The following GRID2 variants were observed in gnomAD, a reference collection of about 807,000 sequenced individuals.
GRID2 encodes the protein glutamate receptor ionotropic, delta-2.
In GRID2, 33 loss-of-function variants were observed where a neutral mutation model predicts 114.8. The observed-to-expected ratio is 0.29, with a 90% CI of 0.22 to 0.38. The LOEUF is 0.38. Ranked by LOEUF, GRID2 falls within the 10% of genes least tolerant of loss-of-function variation. The pLI, the probability that GRID2 is intolerant of heterozygous loss-of-function variation, is 1.00. For synonymous variants in GRID2, 505 were observed against 449.9 expected (o/e 1.12, Z -1.55); for missense variants, 1,184 against 1,257.7 (o/e 0.94, Z 0.89).
Position 93,164,763 on chromosome 4 carries a change from A to C in GRID2, c.736-42641A>C, listed in dbSNP as rs77406375. 7.1e-6 allele frequency: 3 copies of C among 423,964 alleles called. No individual in the cohort carries two copies. In the East Asian group the frequency reaches 2.1e-4, roughly 30 times the overall value. The allele number at this position is 423,964 out of a possible 1,614,324, so 26.3% of individuals were successfully genotyped here. ...CGTTTTAGAAAAACACTTAGGGAGGAAAGAATGTGAGTGATTTTTGTTTTC... is the reference window on the plus strand; with the variant it reads ...CGTTTTAGAAAAACACTTAGGGAGGCAAGAATGTGAGTGATTTTTGTTTTC... On this transcript the variant is annotated intron_variant, in intron 4 of 15. Coordinates refer to ENST00000282020, the MANE Select transcript of GRID2 (RefSeq NM_001510.4).
chr4:92,390,233 A>C (rs1007213506), intron 1 of GRID2, among the ~76,000 whole-genome samples: 4 of 152,130 alleles, frequency 2.6e-5, no homozygotes, highest in African/African-American at 9.7e-5. Flanking sequence ...TACTCACTTC[A>C]TTTACCTTCA....
intron 8 of GRID2, among the ~76,000 whole-genome samples, chr4:93,303,232 T>G (rs1359719285): frequency 1.3e-5 from 2 of 152,194 alleles, no homozygotes; most frequent in African/African-American, 4.8e-5. Flanking sequence ...CACTGGGGAT[T>G]ACAATTCGAC....
chr4:92,730,398 G>A (rs778771934), intron 2 of GRID2, among the ~76,000 whole-genome samples: 7 of 151,748 alleles, frequency 4.6e-5, no homozygotes, highest in Admixed American at 6.6e-5. Context: ...CATTGATTTT[G>A]TTTTCCCCAC....
chr4:92,981,369 G>A lies in GRID2; in HGVS notation c.245-103626G>A, dbSNP rs76860574. On this transcript the variant is annotated intron_variant, in intron 2 of 15. Transcript: ENST00000282020. ...GTTCCTTAGATGTAGCAGTTAATGC[G>A]TGCGTATTATTGATCATTATCTAGT... Among the ~76,000 whole-genome samples the A allele has an allele frequency of 7.0e-3, 1,069 of 151,990 alleles. 19 individuals carry two copies. The highest frequency in any genetic ancestry group is 0.024 in the African/African-American group (1,016 of 41,484).
chr4:93,496,416 G>C (rs1171644270), intron 12 of GRID2, among the ~76,000 whole-genome samples: 1 of 149,430 alleles, frequency 6.7e-6, no homozygotes, highest in Non-Finnish European at 1.5e-5. Flanking sequence ...TGTGCAAATT[G>C]CTCTATGACA....
chr4:92,623,125 T>C (rs781254912), intron 2 of GRID2, among the ~76,000 whole-genome samples: 2 of 151,636 alleles, frequency 1.3e-5, no homozygotes, highest in Non-Finnish European at 3.0e-5. Context: ...GCTGATTATC[T>C]TTCATTATAA....
At chr4:93,220,055 A>G (rs1344606233) in intron 6 of GRID2, among the ~76,000 whole-genome samples, 1 of 152,088 alleles carries the variant, frequency 6.6e-6, no homozygotes, top group African/African-American at 2.4e-5. Context: ...ACCAAGGTAC[A>G]AGAGATTGGT....
chr4:92,715,043 AC>A (rs1735466557), intron 2 of GRID2, among the ~76,000 whole-genome samples: 1 of 152,070 alleles, frequency 6.6e-6, no homozygotes, highest in South Asian at 2.1e-4. Context: ...AATTTTCCAA[AC>A]TTTTATGCTC....
chr4:93,030,102 GT>G (rs1248323419), intron 2 of GRID2, among the ~76,000 whole-genome samples: 2 of 152,114 alleles, frequency 1.3e-5, no homozygotes, highest in Non-Finnish European at 2.9e-5. Flanking sequence ...TAGAGTTTCT[GT>G]TCTCTCCTTT....
At chr4:92,364,861 G>A (rs936158680) in intron 1 of GRID2, among the ~76,000 whole-genome samples, 1 of 152,064 alleles carries the variant, frequency 6.6e-6, no homozygotes, top group African/African-American at 2.4e-5. Context: ...CCGGTTCAAA[G>A]TACTGATACA....
intron 11 of GRID2, among the ~76,000 whole-genome samples, chr4:93,480,303 C>G (rs1725725246): frequency 6.6e-6 from 1 of 151,958 alleles, no homozygotes; most frequent in Non-Finnish European, 1.5e-5. Flanking sequence ...AAAATGCTAC[C>G]TTGACCCCTT....
At chr4:93,164,924 C>G (rs995167098) in intron 4 of GRID2, 4 of 230,424 alleles carry the variant, frequency 1.7e-5, no homozygotes, top group African/African-American at 8.9e-5. Context: ...TCCAGAGAGG[C>G]ACTATGACGT....
chr4:93,546,872 C>T (rs977671530), intron 13 of GRID2, among the ~76,000 whole-genome samples: 4 of 152,082 alleles, frequency 2.6e-5, no homozygotes, highest in Non-Finnish European at 5.9e-5. Flanking sequence ...GGTACCTACT[C>T]TTTTCTGTTC....
chr4:93,707,822 T>G (rs916653289), intron 14 of GRID2, among the ~76,000 whole-genome samples: 2 of 151,914 alleles, frequency 1.3e-5, no homozygotes, highest in African/African-American at 4.8e-5. Context: ...ATTTAGGTGC[T>G]TATTGCTGTA....
At chr4:93,684,951 G>C (rs918966117) in intron 14 of GRID2, among the ~76,000 whole-genome samples, 12 of 152,144 alleles carry the variant, frequency 7.9e-5, no homozygotes, top group African/African-American at 2.9e-4. Flanking sequence ...GTGAGTGGGG[G>C]TGGTAAAAGG....
chr4:93,144,883 C>T (rs1736067510), intron 4 of GRID2, among the ~76,000 whole-genome samples: 1 of 152,102 alleles, frequency 6.6e-6, no homozygotes, highest in African/African-American at 2.4e-5. Flanking sequence ...CTTGCAGAGA[C>T]AAGGGCAAAG....
intron 1 of GRID2, among the ~76,000 whole-genome samples, chr4:93,789,964 A>G (rs1734663897): frequency 6.6e-6 from 1 of 152,020 alleles, no homozygotes; most frequent in African/African-American, 2.4e-5. Context: ...TAGGAGTGTG[A>G]CCCTATTGTG....
At chr4:93,258,678 A>G (rs1749900869) in intron 8 of GRID2, among the ~76,000 whole-genome samples, 1 of 151,892 alleles carries the variant, frequency 6.6e-6, no homozygotes, top group Non-Finnish European at 1.5e-5. Context: ...AAGGTGCTAA[A>G]TAGTTTGTTA....
intron 1 of GRID2, among the ~76,000 whole-genome samples, chr4:93,798,165 A>G (rs1734846526): frequency 6.6e-6 from 1 of 152,122 alleles, no homozygotes; most frequent in Non-Finnish European, 1.5e-5. Flanking sequence ...AGAAGAAAAA[A>G]AATAAAAAAT....
Sources: allele counts gnomAD v4.1 joint callset (sites outside exome capture counted in the v4.1 genomes callset), GRCh38; gene constraint gnomAD v4.1.1; transcripts MANE v1.5; gene names NCBI Gene and HGNC (gene_info 2026-07-23, HGNC 2026-07-21).